SRCIN1: variants seen among roughly 807,000 people sequenced by gnomAD.
SRCIN1 encodes the protein SRC kinase signaling inhibitor 1.
Under a neutral mutation model 116.2 loss-of-function variants are expected in SRCIN1, and 50 were observed. The observed-to-expected ratio is 0.43, with a 90% CI of 0.34 to 0.54. The LOEUF (loss-of-function observed/expected upper bound fraction) is 0.54, where lower values mean the gene tolerates loss of function less well. Among genes scored for constraint, SRCIN1 ranks in the 20% least tolerant of loss-of-function variants. The pLI, the probability that SRCIN1 is intolerant of heterozygous loss-of-function variation, is 0.02. For missense variants in SRCIN1, 1,446 were observed against 1,672.0 expected (o/e 0.86, Z 2.36); for synonymous variants, 736 against 750.0 (o/e 0.98, Z 0.30).
Position 38,558,522 on chromosome 17 carries a change from C to A in SRCIN1, c.2026-120G>T. 8.7e-7 allele frequency: 1 copy of A among 1,145,938 alleles called. No individual in the cohort carries two copies. 71.0% of individuals were successfully genotyped at this position (1,145,938 alleles called of 1,614,324 possible). ...CCAGGGCGGGGCTCTGCAGAAGAAG[C>A]GGCTGCTTGGCTCCGCCTCAGGCAG... On this transcript the variant is annotated intron_variant, in intron 10 of 18. Coordinates refer to ENST00000617146, the MANE Select transcript of SRCIN1 (RefSeq NM_025248.3). This position sits in a 1 kb window ranked among gnomAD's most constrained non-coding sequence, Gnocchi z 4.6.
rs540676205 is a variant in SRCIN1 at position 38,583,645 on chromosome 17, C to T, written c.23-4854G>A. Among the ~76,000 whole-genome samples, 14 of 151,180 alleles carry T rather than the reference C, an allele frequency of 9.3e-5. No individual in the cohort carries two copies. In the South Asian group the frequency reaches 2.7e-3, roughly 29 times the overall value. On this transcript the variant is annotated intron_variant, in intron 1 of 18. Coordinates refer to ENST00000617146, the MANE Select transcript of SRCIN1 (RefSeq NM_025248.3). The stretch of plus-strand genomic sequence containing the variant: ...TCGGCTCACTGCAACCTCTGCCACC[C>T]GGGCTCAAGCAATTCTCCTGCTTCA...
chr17:38,603,827 A>G (rs1418428886), intron 1 of SRCIN1, among the ~76,000 whole-genome samples: 1 of 152,104 alleles, frequency 6.6e-6, no homozygotes, highest in Non-Finnish European at 1.5e-5. Context: ...CCAGGCCACC[A>G]GCTAAGTCTC....
chr17:38,550,846 C>G (rs971926621), intron 15 of SRCIN1, among the ~76,000 whole-genome samples: 1 of 152,252 alleles, frequency 6.6e-6, no homozygotes, highest in African/African-American at 2.4e-5. Flanking sequence ...GCCCTCAACA[C>G]AGCCTGGTTT....
intron 2 of SRCIN1, among the ~76,000 whole-genome samples, chr17:38,573,577 C>G (rs1907227837): frequency 6.6e-6 from 1 of 152,198 alleles, no homozygotes; most frequent in Non-Finnish European, 1.5e-5. Context: ...ATCCCCAGCT[C>G]CCCCAAGCCC....
intron 11 of SRCIN1, among the ~76,000 whole-genome samples, chr17:38,556,502 T>C (rs1375247337): frequency 6.6e-6 from 1 of 152,218 alleles, no homozygotes; most frequent in Non-Finnish European, 1.5e-5. Context: ...GAGGAAGTGG[T>C]ATAGCAAATT....
rs1907189612 is a variant in SRCIN1 at position 38,572,922 on chromosome 17, C to G, written c.325-4691G>C. Reference sequence around the variant, plus strand: ...CTGCGCGCCGCCGTGCACATCCCCTCTCGCGGCCCCCTCCCTCGGCGCGGC... The same window carrying G: ...CTGCGCGCCGCCGTGCACATCCCCTGTCGCGGCCCCCTCCCTCGGCGCGGC... On this transcript the variant is annotated intron_variant, in intron 2 of 18. Transcript: ENST00000617146. The surrounding 1 kb of genome is among the most constrained non-coding windows in gnomAD (Gnocchi z 4.3). The G allele has an allele frequency of 6.6e-6, 1 of 152,096 alleles. No individual in the cohort carries two copies. The highest frequency in any genetic ancestry group is 1.5e-5 in the Non-Finnish European group (1 of 67,814). 9.4% of individuals were successfully genotyped at this position (152,096 alleles called of 1,614,324 possible).
intron 15 of SRCIN1, 86 bp downstream of exon 15, chr17:38,551,069 T>TC (rs1905364418): frequency 3.3e-6 from 2 of 614,670 alleles, no homozygotes; most frequent in African/African-American, 3.7e-5. Context: ...GATCTTGAGA[T>TC]CCCAGTGCCT....
At chr17:38,549,958 C>T (rs191967824) in intron 15 of SRCIN1, among the ~76,000 whole-genome samples, 1 of 152,350 alleles carries the variant, frequency 6.6e-6, no homozygotes, top group East Asian at 1.9e-4. Flanking sequence ...GAAGTGCCCA[C>T]TCATTTGCAA....
rs139114805 is a variant in SRCIN1 at position 38,590,842 on chromosome 17, C to T, written c.23-12051G>A. Among the ~76,000 whole-genome samples, 589 of 152,318 alleles carry T rather than the reference C, an allele frequency of 3.9e-3. 5 individuals carry two copies. Among genetic ancestry groups the T allele is most frequent in the African/African-American group, 0.014 (568 of 41,558 alleles). On this transcript the variant is annotated intron_variant, in intron 1 of 18. Transcript: ENST00000617146. ...GTCATCTGTGAGTACTCATCTAAGC[C>T]ATTAGGCCAGAGCCCCACAGGTCCC...
At chr17:38,548,445 A>C in intron 17 of SRCIN1, 112 bp downstream of exon 17, 1 of 1,345,214 alleles carries the variant, frequency 7.4e-7, no homozygotes, top group Non-Finnish European at 1.0e-6. Flanking sequence ...AGCGCTCCGC[A>C]GGGAGCCCGA....
chr17:38,575,202 T>C (rs1907344725), intron 2 of SRCIN1, among the ~76,000 whole-genome samples: 1 of 152,208 alleles, frequency 6.6e-6, no homozygotes, highest in African/African-American at 2.4e-5. Flanking sequence ...GGGGGTTCCC[T>C]GAGCCCAGGG....
chr17:38,558,362 G>T lies in SRCIN1; in HGVS notation c.2066C>A (p.Thr689Lys). 1 of 1,607,154 alleles carries T rather than the reference G, an allele frequency of 6.2e-7. No homozygotes were observed. Among genetic ancestry groups the T allele is most frequent in the South Asian group, 1.1e-5 (1 of 91,004 alleles). The change falls in exon 11 of 19, where the codon ACG becomes AAG. Residue 689 changes from threonine (T) to lysine (K), a missense_variant. By Grantham distance (78) the Thr-to-Lys change is moderately conservative. Transcript: ENST00000617146. The surrounding 1 kb of genome is among the most constrained non-coding windows in gnomAD (Gnocchi z 4.6). ...QESVRALLKR[T>K]EAELSMRVSE... ...CACGCGCATGCTCAGCTCTGCCTCCGTGCGCTTCAGCAGCGCGCGCACCGA... is the reference window on the plus strand; with the variant it reads ...CACGCGCATGCTCAGCTCTGCCTCCTTGCGCTTCAGCAGCGCGCGCACCGA...
At chr17:38,545,924 T>A (rs73982826) in intron 17 of SRCIN1, among the ~76,000 whole-genome samples, 1 of 152,172 alleles carries the variant, frequency 6.6e-6, no homozygotes, top group Non-Finnish European at 1.5e-5. Flanking sequence ...AGAGACAACA[T>A]GTCAGCCTCT....
At chr17:38,601,481 G>A (rs115569588) in intron 1 of SRCIN1, among the ~76,000 whole-genome samples, 2 of 152,204 alleles carry the variant, frequency 1.3e-5, no homozygotes, top group Admixed American at 6.5e-5. Flanking sequence ...TTGGAGGGGC[G>A]GGAGGCTGGA....
chr17:38,571,312 AG>A (rs1567872045), intron 2 of SRCIN1, among the ~76,000 whole-genome samples: 1 of 152,132 alleles, frequency 6.6e-6, no homozygotes, highest in African/African-American at 2.4e-5. Context: ...CCTGGTGGAT[AG>A]CAGGCACTCA....
intron 18 of SRCIN1, among the ~76,000 whole-genome samples, chr17:38,539,061 C>T (rs1218744459): frequency 6.6e-6 from 1 of 152,188 alleles, no homozygotes; most frequent in African/African-American, 2.4e-5. Context: ...TGGCTGTTTC[C>T]ACCTGGATTG....
intron 11 of SRCIN1, among the ~76,000 whole-genome samples, chr17:38,557,308 A>G (rs962665194): frequency 1.3e-5 from 2 of 152,194 alleles, no homozygotes; most frequent in African/African-American, 4.8e-5. Context: ...AGTACAACTC[A>G]ACCCCTTGTT....
intron 1 of SRCIN1, among the ~76,000 whole-genome samples, chr17:38,588,048 T>G (rs2143385613): frequency 7.1e-6 from 1 of 140,022 alleles, no homozygotes; most frequent in Middle Eastern, 3.5e-3. Context: ...AGTCCTCTCA[T>G]TTGCTTTAAC....
chr17:38,589,719 C>G (rs1597930898), intron 1 of SRCIN1, among the ~76,000 whole-genome samples: 1 of 152,204 alleles, frequency 6.6e-6, no homozygotes, highest in East Asian at 1.9e-4. Flanking sequence ...GCTTCCAGCT[C>G]TGCTGATGGG....
Sources: allele counts gnomAD v4.1 joint callset (sites outside exome capture counted in the v4.1 genomes callset), GRCh38; gene constraint gnomAD v4.1.1; non-coding constraint Gnocchi (gnomAD v3.1); transcripts MANE v1.5; gene names NCBI Gene and HGNC (gene_info 2026-07-23, HGNC 2026-07-21).